MAGI2: variants seen among roughly 807,000 people sequenced by gnomAD.
MAGI2 encodes the protein membrane-associated guanylate kinase, WW and PDZ domain-containing protein 2.
MAGI2 carries 35 observed loss-of-function variants against 133.3 expected under a neutral mutation model. That is an observed-to-expected ratio of 0.26 (90% CI 0.20 to 0.35). The LOEUF (loss-of-function observed/expected upper bound fraction) is 0.35. Ranked by LOEUF, MAGI2 falls within the 10% of genes least tolerant of loss-of-function variation. The probability of loss-of-function intolerance (pLI) is 1.00; values close to 1 mark genes in which losing one functional copy is unlikely to be tolerated. For missense variants in MAGI2, 1,636 were observed against 1,863.4 expected (o/e 0.88, Z 2.25); for synonymous variants, 729 against 710.6 (o/e 1.03, Z -0.41).
intron 2 of MAGI2, among the ~76,000 whole-genome samples, chr7:78,652,969 G>T (rs1256078236): frequency 6.6e-6 from 1 of 151,920 alleles, no homozygotes; most frequent in African/African-American, 2.4e-5. Context: ...CAAAAAGTGG[G>T]CAAAGGATAT....
At chr7:78,801,676 C>T (rs1330607276) in intron 2 of MAGI2, among the ~76,000 whole-genome samples, 1 of 152,112 alleles carries the variant, frequency 6.6e-6, no homozygotes. Context: ...TGCCTTCCAA[C>T]ATTTCATGTA....
chr7:79,418,863 ACACACG>A lies in MAGI2; in HGVS notation c.301+34151_301+34156del, dbSNP rs1397801802. ...CACACACACACACACACACACACACACACACGCACACACACACACACACATTTGTCA... is the reference window on the plus strand; with the variant it reads ...CACACACACACACACACACACACACACACACACACACACACACATTTGTCA... On this transcript the variant is annotated intron_variant, in intron 1 of 21. Transcript: ENST00000354212. Among the ~76,000 whole-genome samples the A allele has an allele frequency of 5.5e-4, 44 of 79,864 alleles. No individual in the cohort carries two copies. In the East Asian group the frequency reaches 0.013, roughly 24 times the overall value. The allele number at this position is 79,864 out of a possible 152,430, so 52.4% of individuals were successfully genotyped here. A position where few individuals can be genotyped will look rare whatever the true frequency, so the allele number is the denominator to read the frequency against.
chr7:78,944,495 T>C lies in MAGI2; in HGVS notation c.418+62595A>G, dbSNP rs763885974. ...GTCTAATTGTAGTTAAAAAGGTATATAGGGTCTGCATTCCCCTCCATAAAA... is the reference window on the plus strand; with the variant it reads ...GTCTAATTGTAGTTAAAAAGGTATACAGGGTCTGCATTCCCCTCCATAAAA... On this transcript the variant is annotated intron_variant, in intron 2 of 21. Coordinates refer to ENST00000354212, the MANE Select transcript of MAGI2 (RefSeq NM_012301.4). Among the ~76,000 whole-genome samples the C allele has an allele frequency of 5.3e-5, 8 of 152,104 alleles. No individual in the cohort carries two copies. In the East Asian group the frequency reaches 1.5e-3, roughly 29 times the overall value.
At chr7:79,171,763 TA>T (rs1825610619) in intron 1 of MAGI2, among the ~76,000 whole-genome samples, 4 of 47,398 alleles carry the variant, frequency 8.4e-5, no homozygotes, top group African/African-American at 2.0e-4. Flanking sequence ...TATATATATA[TA>T]TATATATTTT....
intron 10 of MAGI2, among the ~76,000 whole-genome samples, chr7:78,249,541 A>C (rs540147400): frequency 1.3e-5 from 2 of 152,292 alleles, no homozygotes; most frequent in Admixed American, 1.3e-4. Flanking sequence ...AAAGAGAATG[A>C]AATCCTGTCA....
At chr7:78,649,543 A>G (rs1811322640) in intron 2 of MAGI2, among the ~76,000 whole-genome samples, 1 of 152,166 alleles carries the variant, frequency 6.6e-6, no homozygotes, top group South Asian at 2.1e-4. Context: ...AAAAGTTAGT[A>G]TCATTTGATT....
rs1562973164 is a variant in MAGI2 at position 79,186,231 on chromosome 7, TA to T, written c.302-179026del. Among the ~76,000 whole-genome samples, 240 of 131,290 alleles carry T rather than the reference TA, an allele frequency of 1.8e-3. 4 individuals are homozygous for T. Among genetic ancestry groups the T allele is most frequent in the African/African-American group, 6.7e-3 (228 of 34,220 alleles). 86.1% of individuals were successfully genotyped at this position (131,290 alleles called of 152,430 possible). A position where few individuals can be genotyped will look rare whatever the true frequency, so the allele number is the denominator to read the frequency against. On this transcript the variant is annotated intron_variant, in intron 1 of 21. Coordinates refer to ENST00000354212, the MANE Select transcript of MAGI2 (RefSeq NM_012301.4). ...ATATATATATATATATATATATATA[TA>T]TATATATATATTTATATTTATTTAT...
At chr7:79,111,085 T>C (rs1050991487) in intron 1 of MAGI2, among the ~76,000 whole-genome samples, 2 of 152,190 alleles carry the variant, frequency 1.3e-5, no homozygotes, top group African/African-American at 4.8e-5. Context: ...GTCTAATACA[T>C]GACCTAATTG....
intron 2 of MAGI2, among the ~76,000 whole-genome samples, chr7:78,807,489 A>G (rs1314571393): frequency 6.6e-6 from 1 of 152,146 alleles, no homozygotes; most frequent in Admixed American, 6.5e-5. Flanking sequence ...CACATGTCAT[A>G]TAGCCCCTGG....
At chr7:78,812,595 T>C (rs1048091446) in intron 2 of MAGI2, among the ~76,000 whole-genome samples, 37 of 151,932 alleles carry the variant, frequency 2.4e-4, no homozygotes, top group African/African-American at 8.0e-4. Context: ...TATGTGTGTG[T>C]GTGTGTGTGT....
At chr7:78,536,502 T>C (rs1339938602) in intron 3 of MAGI2, among the ~76,000 whole-genome samples, 1 of 152,156 alleles carries the variant, frequency 6.6e-6, no homozygotes, top group Admixed American at 6.5e-5. Flanking sequence ...AGTTACAGCT[T>C]GGGCTAGTGG....
intron 1 of MAGI2, among the ~76,000 whole-genome samples, chr7:79,362,518 GGTAA>G (rs1481660139): frequency 1.3e-5 from 2 of 151,612 alleles, no homozygotes; most frequent in Non-Finnish European, 2.9e-5. Flanking sequence ...CATTTTATAT[GGTAA>G]GTAATACCAG....
At chr7:78,897,544 A>G (rs1249937707) in intron 2 of MAGI2, among the ~76,000 whole-genome samples, 1 of 152,180 alleles carries the variant, frequency 6.6e-6, no homozygotes, top group Non-Finnish European at 1.5e-5. Context: ...TAAACACACT[A>G]TATTAAAATC....
intron 6 of MAGI2, among the ~76,000 whole-genome samples, chr7:78,378,338 A>G (rs1794634713): frequency 6.6e-6 from 1 of 152,074 alleles, no homozygotes; most frequent in Non-Finnish European, 1.5e-5. Flanking sequence ...ACTAATACAT[A>G]AAACTGTGAT....
At chr7:78,444,550 T>C (rs1403136423) in intron 6 of MAGI2, among the ~76,000 whole-genome samples, 1 of 152,052 alleles carries the variant, frequency 6.6e-6, no homozygotes, top group African/African-American at 2.4e-5. Flanking sequence ...TTCATTGGCC[T>C]AGGATTTAGA....
chr7:78,340,593 A>G (rs1199212898), intron 9 of MAGI2, among the ~76,000 whole-genome samples: 1 of 152,254 alleles, frequency 6.6e-6, no homozygotes, highest in African/African-American at 2.4e-5. Context: ...CAGCACATCA[A>G]AAAGCTTTTC....
chr7:78,978,145 T>C (rs1359323485), intron 2 of MAGI2, among the ~76,000 whole-genome samples: 2 of 151,834 alleles, frequency 1.3e-5, no homozygotes, highest in Non-Finnish European at 2.9e-5. Context: ...TCTTACTATA[T>C]AATTTGGCAA....
intron 1 of MAGI2, among the ~76,000 whole-genome samples, chr7:79,121,336 C>T (rs918790725): frequency 5.3e-5 from 8 of 152,164 alleles, no homozygotes; most frequent in African/African-American, 1.9e-4. Context: ...CCTTTAGGCT[C>T]TTGTATGCTT....
chr7:78,890,490 C>T (rs1796650355), intron 2 of MAGI2, among the ~76,000 whole-genome samples: 3 of 151,458 alleles, frequency 2.0e-5, no homozygotes, highest in African/African-American at 7.3e-5. Flanking sequence ...AAGCAGTCCT[C>T]AGCAAATGTA....
Sources: allele counts gnomAD v4.1 joint callset (sites outside exome capture counted in the v4.1 genomes callset), GRCh38; gene constraint gnomAD v4.1.1; transcripts MANE v1.5; gene names NCBI Gene and HGNC (gene_info 2026-07-23, HGNC 2026-07-21).